MYO6: variants seen among roughly 807,000 people sequenced by gnomAD.
MYO6 encodes unconventional myosin-VI.
MYO6 carries 74 observed loss-of-function variants against 178.7 expected under a neutral mutation model. The observed-to-expected ratio is 0.41, with a 90% CI of 0.34 to 0.50. The LOEUF (loss-of-function observed/expected upper bound fraction) is 0.50, where lower values mean the gene tolerates loss of function less well. Ranked by LOEUF, MYO6 falls within the 20% of genes least tolerant of loss-of-function variation. The pLI is 0.09. For synonymous variants in MYO6, 477 were observed against 504.6 expected (o/e 0.95, Z 0.73); for missense variants, 1,330 against 1,547.4 (o/e 0.86, Z 2.36).
At chr6:75,893,449 T>TTAC (rs2149376226) in intron 28 of MYO6, among the ~76,000 whole-genome samples, 1 of 152,266 alleles carries the variant, frequency 6.6e-6, no homozygotes, top group African/African-American at 2.4e-5. Flanking sequence ...CATAGACACA[T>TTAC]GTAACCATGC....
intron 2 of MYO6, among the ~76,000 whole-genome samples, chr6:75,821,878 T>C (rs958889247): frequency 6.6e-6 from 1 of 152,208 alleles, no homozygotes; most frequent in African/African-American, 2.4e-5. Context: ...TTCTGCAGTG[T>C]TACTCTAGCA....
chr6:75,896,239 A>C (rs1034302847), intron 29 of MYO6, among the ~76,000 whole-genome samples: 3 of 152,208 alleles, frequency 2.0e-5, no homozygotes, highest in Non-Finnish European at 2.9e-5. Context: ...GATGCAACCT[A>C]TGTAAACAAC....
chr6:75,852,902 C>T (rs1352431136), intron 11 of MYO6, among the ~76,000 whole-genome samples: 2 of 152,138 alleles, frequency 1.3e-5, no homozygotes, highest in Non-Finnish European at 2.9e-5. Context: ...AAACTCTGAC[C>T]TTTTGAGGAA....
Position 75,749,417 on chromosome 6 carries a change from C to G in MYO6, c.-54C>G, listed in dbSNP as rs1397733058. 1 of 152,964 alleles carries G rather than the reference C, an allele frequency of 6.5e-6. No individual in the cohort carries two copies. The allele number at this position is 152,964 out of a possible 1,614,324, so 9.5% of individuals were successfully genotyped here. On this transcript the variant is annotated 5_prime_UTR_variant, in exon 1 of 35. Coordinates refer to ENST00000369977, the MANE Select transcript of MYO6 (RefSeq NM_004999.4). Reference sequence around the variant, plus strand: ...GCCGCCGCGCACCTGCCTTCGCTCCCGCACCGGTGAGTGTCCCAGAGACCC... The same window carrying G: ...GCCGCCGCGCACCTGCCTTCGCTCCGGCACCGGTGAGTGTCCCAGAGACCC...
chr6:75,771,184 T>C (rs1179011619), intron 1 of MYO6, among the ~76,000 whole-genome samples: 1 of 152,010 alleles, frequency 6.6e-6, no homozygotes, highest in Non-Finnish European at 1.5e-5. Flanking sequence ...GTATTTTTTG[T>C]AGAGACAGGG....
chr6:75,798,474 A>G (rs1769087710), intron 1 of MYO6, among the ~76,000 whole-genome samples: 1 of 152,206 alleles, frequency 6.6e-6, no homozygotes, highest in Non-Finnish European at 1.5e-5. Flanking sequence ...ACATATGCAA[A>G]TCAATAAATG....
chr6:75,788,482 C>T (rs551681613), intron 1 of MYO6, among the ~76,000 whole-genome samples: 1 of 152,316 alleles, frequency 6.6e-6, no homozygotes, highest in East Asian at 1.9e-4. Context: ...CTGTGTCCCC[C>T]ACACACTCTT....
chr6:75,855,238 G>A lies in MYO6; in HGVS notation c.1178G>A (p.Arg393Lys). 6.2e-7 allele frequency: 1 copy of A among 1,613,674 alleles called. No homozygotes were observed. Among genetic ancestry groups the A allele is most frequent in the South Asian group, 1.1e-5 (1 of 91,068 alleles). The change falls in exon 12 of 35, where the codon AGA (arginine) becomes AAA (lysine). Residue 393 changes from arginine to lysine, a missense_variant. Around this residue, in one of 3 missense-constraint regions of MYO6, gnomAD observed 613 missense variants for 816.8 expected, o/e 0.75. Coordinates refer to ENST00000369977, the MANE Select transcript of MYO6 (RefSeq NM_004999.4). The stretch of plus-strand genomic sequence containing the variant: ...GATCTTCGAGTAAGTTTGACCACAA[G>A]AGTCATGCTAACAACAGCAGGGGGC... ...QDDLRVSLTTRVMLTTAGGTK... is the reference protein window; with the variant it reads ...QDDLRVSLTTKVMLTTAGGTK...
chr6:75,750,033 A>T (rs1776713045), intron 1 of MYO6, among the ~76,000 whole-genome samples: 1 of 151,804 alleles, frequency 6.6e-6, no homozygotes, highest in South Asian at 2.1e-4. Flanking sequence ...ACACAATTTG[A>T]TGGGGTTATT....
chr6:75,878,685 T>A (rs1032710916), intron 20 of MYO6, among the ~76,000 whole-genome samples: 1 of 152,238 alleles, frequency 6.6e-6, no homozygotes, highest in Non-Finnish European at 1.5e-5. Context: ...GGAATTTATT[T>A]TGGTGTAAGA....
At chr6:75,840,948 T>C (rs1227697506) in intron 8 of MYO6, among the ~76,000 whole-genome samples, 1 of 152,174 alleles carries the variant, frequency 6.6e-6, no homozygotes, top group Non-Finnish European at 1.5e-5. Flanking sequence ...TGAGGTACGG[T>C]GCAAGGTCAA....
intron 1 of MYO6, among the ~76,000 whole-genome samples, chr6:75,757,592 C>G (rs1400978372): frequency 1.3e-5 from 2 of 151,744 alleles, no homozygotes; most frequent in Non-Finnish European, 2.9e-5. Flanking sequence ...AGGCTTAATC[C>G]TCTCTCTGAC....
intron 1 of MYO6, among the ~76,000 whole-genome samples, chr6:75,810,906 C>T (rs1256154612): frequency 6.6e-6 from 1 of 152,134 alleles, no homozygotes; most frequent in Non-Finnish European, 1.5e-5. Context: ...ACTCAGAAGG[C>T]TGAGGTGGGA....
chr6:75,776,237 G>A (rs1174005714), intron 1 of MYO6, among the ~76,000 whole-genome samples: 1 of 151,420 alleles, frequency 6.6e-6, no homozygotes, highest in Admixed American at 6.5e-5. Context: ...TGTGCACTGT[G>A]AATATATTGT....
intron 33 of MYO6, among the ~76,000 whole-genome samples, chr6:75,913,794 CAG>C (rs1404466040): frequency 2.0e-5 from 3 of 151,914 alleles, no homozygotes; most frequent in East Asian, 1.9e-4. Context: ...GGGAATCTGA[CAG>C]GGGTTTGTTG....
intron 20 of MYO6, 99 bp from the exon 21 acceptor site, chr6:75,879,721 C>A: frequency 6.5e-7 from 1 of 1,533,726 alleles, no homozygotes; most frequent in Non-Finnish European, 9.0e-7. Context: ...TCATAAATTG[C>A]CCGTTTCTAA....
chr6:75,887,613 C>G (rs1258569906), intron 25 of MYO6, among the ~76,000 whole-genome samples: 1 of 136,286 alleles, frequency 7.3e-6, no homozygotes, highest in Non-Finnish European at 1.5e-5. Flanking sequence ...TGCACTCCAG[C>G]CTGGTGACAG....
intron 7 of MYO6, among the ~76,000 whole-genome samples, chr6:75,839,179 A>ATTTAT (rs994412747): frequency 2.6e-5 from 4 of 151,510 alleles, no homozygotes; most frequent in African/African-American, 7.3e-5. Flanking sequence ...TTATTTTTTA[A>ATTTAT]TTTATTTTAT....
intron 1 of MYO6, among the ~76,000 whole-genome samples, chr6:75,757,650 A>G (rs192956831): frequency 6.6e-6 from 1 of 152,088 alleles, no homozygotes; most frequent in East Asian, 1.9e-4. Context: ...TTTCTTGTCC[A>G]GCTCCTGGGT....
Sources: gnomAD v4.1 joint callset for allele counts (sites outside exome capture counted in the v4.1 genomes callset) on GRCh38, gnomAD v4.1.1 for gene constraint, gnomAD v4.1.1 regional missense constraint, MANE v1.5 for transcripts, NCBI Gene and HGNC (gene_info 2026-07-23, HGNC 2026-07-21) for gene names.